Variants in SGCZ observed in about 807,000 individuals in gnomAD.
The protein encoded by SGCZ is sarcoglycan zeta.
Under a neutral mutation model 41.3 loss-of-function variants are expected in SGCZ, and 40 were observed. That is an observed-to-expected ratio of 0.97 (90% CI 0.75 to 1.26). The LOEUF (loss-of-function observed/expected upper bound fraction) is 1.26. Ranked by LOEUF, SGCZ falls within the 50% of genes most tolerant of loss-of-function variation. SGCZ has a pLI of 0.00. For missense variants in SGCZ, 552 were observed against 369.8 expected, an observed-to-expected ratio of 1.49 and a Z score of -4.04; for synonymous variants, 206 against 137.5, an observed-to-expected ratio of 1.50 and a Z score of -3.49.
chr8:14,573,829 A>T (rs1291364638), intron 1 of SGCZ, among the ~76,000 whole-genome samples: 1 of 152,192 alleles, frequency 6.6e-6, no homozygotes, highest in African/African-American at 2.4e-5. Context: ...GAGAAACACC[A>T]TAAATAAGAA....
At chr8:14,968,241 A>G (rs1801181547) in intron 1 of SGCZ, among the ~76,000 whole-genome samples, 2 of 152,154 alleles carry the variant, frequency 1.3e-5, no homozygotes, top group Admixed American at 1.3e-4. Flanking sequence ...TATCAAACAT[A>G]TAGTGTACAA....
At chr8:14,733,953 T>G (rs990123591) in intron 1 of SGCZ, among the ~76,000 whole-genome samples, 1 of 152,236 alleles carries the variant, frequency 6.6e-6, no homozygotes, top group Non-Finnish European at 1.5e-5. Context: ...TAAACCCATG[T>G]TGAAAAGACG....
In SGCZ at chr8:14,498,197, T is replaced by C. The variant is rs556471182; in HGVS notation, c.234+56535A>G. ...GTCAACATTTTCTATTACTCTGTCA[T>C]ATGCTGATAACTTTGTATGCCAGCC... On this transcript the variant is annotated intron_variant, in intron 2 of 7. Coordinates refer to ENST00000382080, the MANE Select transcript of SGCZ (RefSeq NM_139167.4). Among the ~76,000 whole-genome samples the C allele has an allele frequency of 2.2e-4, 34 of 152,338 alleles. No homozygotes were observed. In the East Asian group the frequency reaches 4.6e-3, roughly 21 times the overall value.
chr8:14,695,201 T>C (rs954204046), intron 1 of SGCZ, among the ~76,000 whole-genome samples: 1 of 152,182 alleles, frequency 6.6e-6, no homozygotes, highest in African/African-American at 2.4e-5. Flanking sequence ...TTTATGATGA[T>C]AATGATGACA....
At chr8:14,660,098 C>T (rs1001224959) in intron 1 of SGCZ, among the ~76,000 whole-genome samples, 1 of 152,100 alleles carries the variant, frequency 6.6e-6, no homozygotes, top group Non-Finnish European at 1.5e-5. Context: ...GAAATCAGAC[C>T]TCTAACCTCC....
At chr8:14,627,104 A>G (rs1229064816) in intron 1 of SGCZ, among the ~76,000 whole-genome samples, 1 of 152,166 alleles carries the variant, frequency 6.6e-6, no homozygotes, top group African/African-American at 2.4e-5. Flanking sequence ...AAAATAACTG[A>G]TTTACATTAT....
intron 2 of SGCZ, among the ~76,000 whole-genome samples, chr8:14,434,304 G>A (rs1563326700): frequency 6.6e-6 from 1 of 152,072 alleles, no homozygotes; most frequent in East Asian, 1.9e-4. Context: ...TCTGGGTTCT[G>A]TATTCTGATC....
At chr8:14,828,528 C>T (rs751574631) in intron 1 of SGCZ, among the ~76,000 whole-genome samples, 1 of 152,160 alleles carries the variant, frequency 6.6e-6, no homozygotes, top group Non-Finnish European at 1.5e-5. Context: ...TAATCAAGAT[C>T]CTGAAGCACT....
chr8:14,699,790 A>C (rs111611935), intron 1 of SGCZ, among the ~76,000 whole-genome samples: 1 of 151,792 alleles, frequency 6.6e-6, no homozygotes, highest in Non-Finnish European at 1.5e-5. Context: ...AAATTACCAC[A>C]AAAGACATGA....
chr8:15,098,200 A>C (rs552122762), intron 1 of SGCZ, among the ~76,000 whole-genome samples: 55 of 152,238 alleles, frequency 3.6e-4, no homozygotes, highest in African/African-American at 1.3e-3. Flanking sequence ...AGGAGGAAGA[A>C]AAGACAGAAA....
chr8:14,517,572 G>C (rs545364733), intron 2 of SGCZ, among the ~76,000 whole-genome samples: 20 of 151,942 alleles, frequency 1.3e-4, no homozygotes, highest in Non-Finnish European at 2.4e-4. Flanking sequence ...TTATATGCCA[G>C]ATAAATTAAG....
At chr8:15,163,968 G>A (rs912756199) in intron 1 of SGCZ, among the ~76,000 whole-genome samples, 7 of 152,230 alleles carry the variant, frequency 4.6e-5, no homozygotes, top group South Asian at 2.1e-4. Flanking sequence ...GGGGAAGGAG[G>A]CTGGCCTCTC....
rs1366402023 is a variant in SGCZ at position 15,145,290 on chromosome 8, A to T, written c.39+92295T>A. 2.0e-5 allele frequency among the ~76,000 whole-genome samples: 3 copies of T among 152,174 alleles called. No homozygotes were observed. The East Asian group carries it at 5.8e-4, about 29-fold the overall frequency. ...GAAACTAATCTAAAGCGTCACCAAA[A>T]CTAAAATATTATTTGGTAATAACTT... On this transcript the variant is annotated intron_variant, in intron 1 of 7. Transcript: ENST00000382080.
intron 5 of SGCZ, among the ~76,000 whole-genome samples, chr8:14,111,744 A>G (rs371116862): frequency 6.6e-6 from 1 of 152,178 alleles, no homozygotes; most frequent in South Asian, 2.1e-4. Flanking sequence ...CATTCATATG[A>G]TAATTTCTGG....
At chr8:14,292,424 T>C (rs1800872120) in intron 3 of SGCZ, among the ~76,000 whole-genome samples, 1 of 151,756 alleles carries the variant, frequency 6.6e-6, no homozygotes, top group Non-Finnish European at 1.5e-5. Flanking sequence ...AAGTAAGAAG[T>C]GGAGAAGAAG....
rs79278080 is a variant in SGCZ at position 15,183,854 on chromosome 8, T to C, written c.39+53731A>G. On this transcript the variant is annotated intron_variant, in intron 1 of 7. Coordinates refer to ENST00000382080, the MANE Select transcript of SGCZ (RefSeq NM_139167.4). ...CACAAAATCTCACAGTTCACAAAAA[T>C]TAACTTTACTAGCTAGCATTTATTA... is the stretch of plus-strand genomic sequence containing the variant. 3.4e-3 allele frequency among the ~76,000 whole-genome samples: 511 copies of C among 152,292 alleles called. 21 individuals are homozygous for C. In the East Asian group the frequency reaches 0.079, roughly 24 times the overall value.
intron 1 of SGCZ, among the ~76,000 whole-genome samples, chr8:14,927,296 A>G (rs866769469): frequency 2.0e-5 from 3 of 151,818 alleles, no homozygotes; most frequent in Non-Finnish European, 2.9e-5. Context: ...TATTTAGTAG[A>G]GATGGGGTTT....
At chr8:14,158,442 C>A (rs1001116998) in intron 5 of SGCZ, among the ~76,000 whole-genome samples, 1 of 152,084 alleles carries the variant, frequency 6.6e-6, no homozygotes, top group Non-Finnish European at 1.5e-5. Flanking sequence ...CTAGATGGTG[C>A]CCACCTAGAT....
chr8:14,678,689 T>C lies in SGCZ; in HGVS notation c.40-123763A>G, dbSNP rs543209084. Among the ~76,000 whole-genome samples the C allele has an allele frequency of 5.3e-5, 8 of 152,304 alleles. No homozygotes were observed. The East Asian group carries it at 1.4e-3, about 26-fold the overall frequency. ...ATCCAGCAATCGTGCTCCACGGTCT[T>C]CCTCAAAAGGAATTGAAAACCTATG... On this transcript the variant is annotated intron_variant, in intron 1 of 7. Coordinates refer to ENST00000382080, the MANE Select transcript of SGCZ (RefSeq NM_139167.4).
Sources: allele counts gnomAD v4.1 joint callset (sites outside exome capture counted in the v4.1 genomes callset), GRCh38; gene constraint gnomAD v4.1.1; transcripts MANE v1.5; gene names NCBI Gene and HGNC (gene_info 2026-07-23, HGNC 2026-07-21).